SMAD1: variants seen among roughly 807,000 people sequenced by gnomAD.
The protein encoded by SMAD1 is SMAD family member 1.
SMAD1 carries 6 observed loss-of-function variants against 41.6 expected under a neutral mutation model. The ratio of observed to expected loss-of-function variants is 0.14; its 90% CI spans 0.08 to 0.28. The LOEUF (loss-of-function observed/expected upper bound fraction) is 0.28, where lower values mean the gene tolerates loss of function less well. Among genes scored for constraint, SMAD1 ranks in the 10% least tolerant of loss-of-function variants. SMAD1 has a pLI of 1.00. For missense variants in SMAD1, 379 were observed against 582.6 expected (o/e 0.65, Z 3.60); for synonymous variants, 206 against 203.2 (o/e 1.01, Z -0.12).
At chr4:145,552,211 A>T (rs1732586472) in intron 5 of SMAD1, among the ~76,000 whole-genome samples, 1 of 152,210 alleles carries the variant, frequency 6.6e-6, no homozygotes, top group Non-Finnish European at 1.5e-5. Flanking sequence ...AGTAGCACAC[A>T]CACTCTTAAA....
intron 3 of SMAD1, among the ~76,000 whole-genome samples, chr4:145,541,955 T>C (rs1304505567): frequency 6.6e-6 from 1 of 152,250 alleles, no homozygotes; most frequent in African/African-American, 2.4e-5. Context: ...GAAACATATA[T>C]GTAAATTCTG....
At chr4:145,536,232 C>A (rs889454041) in intron 2 of SMAD1, among the ~76,000 whole-genome samples, 1 of 152,102 alleles carries the variant, frequency 6.6e-6, no homozygotes, top group African/African-American at 2.4e-5. Flanking sequence ...CCAGTACACA[C>A]ACGCACACAC....
intron 1 of SMAD1, among the ~76,000 whole-genome samples, chr4:145,491,282 A>G (rs561426075): frequency 2.6e-5 from 4 of 152,284 alleles, no homozygotes; most frequent in South Asian, 2.1e-4. Context: ...TGAAATGCCA[A>G]CTGCTGACGG....
rs929137190 is a variant in SMAD1, at chr4:145,482,316, G to A, written c.-177+278G>A. Among the ~76,000 whole-genome samples the A allele has an allele frequency of 7.9e-5, 12 of 151,594 alleles. No homozygotes were observed. The highest frequency in any genetic ancestry group is 2.7e-4 in the African/African-American group (11 of 41,294). ...GCCCAGCCCGCCGGGCTCCCCTGGTGTCTTTGTTGGGTCTTCTGCTGTGGG... is the reference window on the plus strand; with the variant it reads ...GCCCAGCCCGCCGGGCTCCCCTGGTATCTTTGTTGGGTCTTCTGCTGTGGG... On this transcript the variant is annotated intron_variant, in intron 1 of 6. Transcript: ENST00000302085. The surrounding 1 kb of genome is among the most constrained non-coding windows in gnomAD (Gnocchi z 4.2).
chr4:145,545,498 A>G (rs1299306685), intron 4 of SMAD1: 1 of 151,920 alleles, frequency 6.6e-6, no homozygotes, highest in Non-Finnish European at 1.5e-5. Context: ...AACTACTTAC[A>G]TATGTAAAGC....
intron 2 of SMAD1, among the ~76,000 whole-genome samples, chr4:145,515,468 A>G (rs1478871030): frequency 6.6e-6 from 1 of 152,198 alleles, no homozygotes; most frequent in African/African-American, 2.4e-5. Context: ...TCATGAGGGT[A>G]GTTGCCAGTG....
chr4:145,515,985 A>C (rs1487583670), intron 2 of SMAD1, among the ~76,000 whole-genome samples: 4 of 152,336 alleles, frequency 2.6e-5, no homozygotes, highest in African/African-American at 7.2e-5. Context: ...ATGGTTTTCA[A>C]ATAAAAGGCA....
chr4:145,505,868 G>A (rs887042928), intron 1 of SMAD1, among the ~76,000 whole-genome samples: 4 of 149,988 alleles, frequency 2.7e-5, no homozygotes, highest in African/African-American at 7.4e-5. Context: ...TTTTTGAGGC[G>A]GAGTCTCAAT....
At position 145,539,488 on chromosome 4, in the gene SMAD1, T is replaced by G. The variant is rs199584787; in HGVS notation, c.401-316T>G. ...CAATTATGCTTTGGTTTTTAGTGAA[T>G]GAAAAAATTAAGAATGAGGGAACCT... On this transcript the variant is annotated intron_variant, in intron 2 of 6. Transcript: ENST00000302085. Among the ~76,000 whole-genome samples the G allele has an allele frequency of 4.0e-4, 61 of 152,358 alleles. 1 individual carries two copies. The East Asian group carries it at 9.4e-3, about 24-fold the overall frequency.
chr4:145,529,347 A>G (rs1238246160), intron 2 of SMAD1, among the ~76,000 whole-genome samples: 1 of 152,208 alleles, frequency 6.6e-6, no homozygotes, highest in African/African-American at 2.4e-5. Context: ...ATACTTGGCA[A>G]AAGAAAGGAA....
At chr4:145,554,089 TG>T in intron 6 of SMAD1, 49 bp downstream of exon 6, 2 of 1,467,686 alleles carry the variant, frequency 1.4e-6, no homozygotes, top group Middle Eastern at 1.8e-4. Flanking sequence ...ACTTTTGCTG[TG>T]CTTTTTTTTT....
chr4:145,513,838 C>T (rs116496122), intron 1 of SMAD1, among the ~76,000 whole-genome samples: 201 of 152,206 alleles, frequency 1.3e-3, no homozygotes, highest in African/African-American at 4.7e-3. Context: ...TTGCTTTTAT[C>T]CCAGAGCTTT....
chr4:145,524,528 T>C (rs714195), intron 2 of SMAD1, among the ~76,000 whole-genome samples: 89,275 of 152,046 alleles, frequency 0.59, 27,166 homozygotes, highest in African/African-American at 0.73. Context: ...ATTTTTCTAT[T>C]GCCAAATCTA....
At chr4:145,526,875 G>C (rs1411748247) in intron 2 of SMAD1, among the ~76,000 whole-genome samples, 2 of 152,130 alleles carry the variant, frequency 1.3e-5, no homozygotes, top group East Asian at 3.9e-4. Context: ...CTTTGACCTT[G>C]GGTTAGTCAT....
At chr4:145,502,406 T>C in intron 1 of SMAD1, among the ~76,000 whole-genome samples, 1 of 152,222 alleles carries the variant, frequency 6.6e-6, no homozygotes, top group East Asian at 1.9e-4. Flanking sequence ...CCAACTTTGT[T>C]TGTTGAAGTT....
At chr4:145,528,255 C>T (rs1399104805) in intron 2 of SMAD1, among the ~76,000 whole-genome samples, 1 of 152,082 alleles carries the variant, frequency 6.6e-6, no homozygotes, top group Non-Finnish European at 1.5e-5. Flanking sequence ...AGGCGCCCGC[C>T]ACTACACCCA....
intron 2 of SMAD1, among the ~76,000 whole-genome samples, chr4:145,535,834 C>T (rs1731581753): frequency 6.6e-6 from 1 of 151,444 alleles, no homozygotes; most frequent in Non-Finnish European, 1.5e-5. Flanking sequence ...AAACTAAGCG[C>T]AAATAGCAAC....
intron 1 of SMAD1, among the ~76,000 whole-genome samples, chr4:145,501,721 CTT>C (rs34504494): frequency 1.3e-4 from 19 of 145,328 alleles, no homozygotes; most frequent in Admixed American, 2.1e-4. Flanking sequence ...TTTGGATTAC[CTT>C]TTTTTTTTTT....
chr4:145,490,056 A>C lies in SMAD1; in HGVS notation c.-177+8018A>C, dbSNP rs139553393. On this transcript the variant is annotated intron_variant, in intron 1 of 6. Coordinates refer to ENST00000302085, the MANE Select transcript of SMAD1 (RefSeq NM_005900.3). ...GGAGAAGAAGTCAGATAATCATGTG[A>C]ATGCAATTTCAGAGAAGGCTGAATA... is the stretch of plus-strand genomic sequence containing the variant. Among the ~76,000 whole-genome samples the C allele has an allele frequency of 3.7e-3, 564 of 152,326 alleles. 3 individuals are homozygous for C. The highest frequency in any genetic ancestry group is 0.013 in the African/African-American group (532 of 41,576).
Sources: gnomAD v4.1 joint callset for allele counts (sites outside exome capture counted in the v4.1 genomes callset) on GRCh38, gnomAD v4.1.1 for gene constraint, Gnocchi (gnomAD v3.1) non-coding constraint, MANE v1.5 for transcripts, NCBI Gene and HGNC (gene_info 2026-07-23, HGNC 2026-07-21) for gene names.